Variants in LRRK2 observed in about 807,000 individuals in gnomAD.
LRRK2 encodes the protein leucine rich repeat kinase 2.
Under a neutral mutation model 302.6 loss-of-function variants are expected in LRRK2, and 203 were observed. That is an observed-to-expected ratio of 0.67 (90% CI 0.60 to 0.75). The LOEUF is 0.75. Ranked by LOEUF, LRRK2 falls within the 30% of genes least tolerant of loss-of-function variation. The probability of loss-of-function intolerance (pLI) is 0.00; values close to 1 mark genes in which losing one functional copy is unlikely to be tolerated. For missense variants in LRRK2, 2,830 were observed against 2,951.0 expected (o/e 0.96, Z 0.95); for synonymous variants, 1,066 against 1,031.9 (o/e 1.03, Z -0.63).
At chr12:40,258,910 T>G (rs1442273058) in intron 12 of LRRK2, among the ~76,000 whole-genome samples, 1 of 152,174 alleles carries the variant, frequency 6.6e-6, no homozygotes, top group Non-Finnish European at 1.5e-5. Flanking sequence ...TAGTACCTAC[T>G]GCATTCTAGT....
In LRRK2 at chr12:40,295,444, T is replaced by G; in HGVS notation, c.2896T>G (p.Ser966Ala). The G allele has an allele frequency of 6.2e-7, 1 of 1,613,058 alleles. No individual in the cohort carries two copies. The highest frequency in any genetic ancestry group is 8.5e-7 in the Non-Finnish European group (1 of 1,179,912). The stretch of plus-strand genomic sequence containing the variant: ...GACAAAAGGGTCATCAAAACTTCAA[T>G]CCCATATGAGGCATTCAGACAGCAT... Reference protein sequence around the residue: ...DDSLRSSKLQSHMRHSDSISS... With the variant: ...DDSLRSSKLQAHMRHSDSISS... Residue 966 changes from serine to alanine, a missense_variant, in exon 23 of 51, where the codon TCC (serine) becomes GCC (alanine). Coordinates refer to ENST00000298910, the MANE Select transcript of LRRK2 (RefSeq NM_198578.4).
At chr12:40,226,983 A>C (rs946199296) in intron 2 of LRRK2, among the ~76,000 whole-genome samples, 1 of 152,100 alleles carries the variant, frequency 6.6e-6, no homozygotes, top group Non-Finnish European at 1.5e-5. Context: ...TGCAGGGTCT[A>C]GATAAGGCAG....
intron 3 of LRRK2, among the ~76,000 whole-genome samples, chr12:40,233,840 C>T (rs1000472294): frequency 2.0e-5 from 3 of 152,182 alleles, no homozygotes; most frequent in African/African-American, 4.8e-5. Context: ...CTTACTCATT[C>T]ACTCACTTTG....
chr12:40,229,955 C>CTTTTTTTTTTTTTTTTTTTTTTTTTTT lies in LRRK2; in HGVS notation c.238-2317_238-2291dup, dbSNP rs71078229. ...GAGATGAGTTTGGCATCCTATGTGACTTTTTTTTTTTTTTTTTTTTTTTTT... is the reference window on the plus strand; with the variant it reads ...GAGATGAGTTTGGCATCCTATGTGACTTTTTTTTTTTTTTTTTTTTTTTTTTTTTTTTTTTTTTTTTTTTTTTTTTTT... On this transcript the variant is annotated intron_variant, in intron 2 of 50. Transcript: ENST00000298910. 4.3e-5 allele frequency among the ~76,000 whole-genome samples: 4 copies of CTTTTTTTTTTTTTTTTTTTTTTTTTTT among 92,926 alleles called. 2 individuals are homozygous for CTTTTTTTTTTTTTTTTTTTTTTTTTTT. The allele number at this position is 92,926 out of a possible 152,430, so 61.0% of individuals were successfully genotyped here. A position where few individuals can be genotyped will look rare whatever the true frequency, so the allele number is the denominator to read the frequency against.
chr12:40,253,888 G>A lies in LRRK2; in HGVS notation c.1288+872G>A, dbSNP rs377369199. Reference sequence around the variant, plus strand: ...GAAAATTTCATAGAAATGCAACTGGGTAGAGAGCTATTCACCATTTTAAAA... The same window carrying A: ...GAAAATTTCATAGAAATGCAACTGGATAGAGAGCTATTCACCATTTTAAAA... On this transcript the variant is annotated intron_variant, in intron 11 of 50. Coordinates refer to ENST00000298910, the MANE Select transcript of LRRK2 (RefSeq NM_198578.4). Among the ~76,000 whole-genome samples the A allele has an allele frequency of 9.9e-5, 15 of 152,228 alleles. No individual in the cohort carries two copies. In the South Asian group the frequency reaches 3.1e-3, roughly 32 times the overall value.
intron 18 of LRRK2, among the ~76,000 whole-genome samples, chr12:40,283,571 T>C (rs1016103373): frequency 2.6e-5 from 4 of 152,186 alleles, no homozygotes; most frequent in Admixed American, 2.0e-4. Context: ...TGTGCATATT[T>C]GGTGGAGTCT....
At chr12:40,326,853 C>G (rs1945567607) in intron 38 of LRRK2, among the ~76,000 whole-genome samples, 1 of 152,072 alleles carries the variant, frequency 6.6e-6, no homozygotes, top group Non-Finnish European at 1.5e-5. Flanking sequence ...TGATAAGATG[C>G]AAATAATACT....
In LRRK2 at chr12:40,367,663, C is replaced by T. The variant is rs140665554; in HGVS notation, c.7482C>T (p.Thr2494=). Residue 2494 remains threonine (T), a synonymous_variant, in exon 51 of 51, where the codon ACC becomes ACT. Transcript: ENST00000298910. ...TTCTAGAGATACAATCTTGCTTGAC[C>T]GTTTGGGACATCAATCTTCCACATG... ...QKQKEIQSCL[T]VWDINLPHEV... 3.5e-5 allele frequency: 56 copies of T among 1,601,310 alleles called. No homozygotes were observed. Among genetic ancestry groups the T allele is most frequent in the Admixed American group, 5.1e-5 (3 of 58,888 alleles).
Position 40,238,835 on chromosome 12 carries a change from C to A in LRRK2, c.571+732C>A, listed in dbSNP as rs573869803. On this transcript the variant is annotated intron_variant, in intron 5 of 50. Coordinates refer to ENST00000298910, the MANE Select transcript of LRRK2 (RefSeq NM_198578.4). ...TTGCAGTTCCCAGAATGGGATAGAT[C>A]ACCTGATAACTGTTGAATTCCCTGT... Among the ~76,000 whole-genome samples, 3 of 152,286 alleles carry A rather than the reference C, an allele frequency of 2.0e-5. No individual in the cohort carries two copies. In the East Asian group the frequency reaches 5.8e-4, roughly 29 times the overall value.
chr12:40,309,155 A>G lies in LRRK2; in HGVS notation c.4239A>G (p.Ala1413=), dbSNP rs1243305899. The change falls in exon 30 of 51, where the codon GCA becomes GCG. Residue 1413 remains alanine, a synonymous_variant. Transcript: ENST00000298910. ...ATCCCCATTTTATGACGCAGCGAGC[A>G]TTGTACCTTGCTGTCTATGACCTCA... ...STHPHFMTQR[A]LYLAVYDLSK... The G allele has an allele frequency of 1.2e-6, 2 of 1,613,806 alleles. No individual in the cohort carries two copies. The highest frequency in any genetic ancestry group is 1.7e-6 in the Non-Finnish European group (2 of 1,179,912).
intron 7 of LRRK2, among the ~76,000 whole-genome samples, chr12:40,245,374 G>A (rs574197149): frequency 2.8e-4 from 42 of 152,108 alleles, no homozygotes; most frequent in African/African-American, 8.0e-4. Context: ...TGTCCTTGGC[G>A]TTCTGTTGCA....
intron 39 of LRRK2, among the ~76,000 whole-genome samples, chr12:40,329,857 A>T (rs1459123900): frequency 3.3e-5 from 5 of 152,144 alleles, no homozygotes; most frequent in Non-Finnish European, 2.9e-5. Flanking sequence ...GATTTATTTT[A>T]TGTAGCTTTT....
intron 16 of LRRK2, among the ~76,000 whole-genome samples, chr12:40,277,641 T>C (rs944439024): frequency 1.3e-5 from 2 of 152,336 alleles, no homozygotes; most frequent in Admixed American, 6.5e-5. Flanking sequence ...TAGTTCTTTT[T>C]CCTGCTTTGC....
chr12:40,258,037 A>G (rs543976641), intron 12 of LRRK2, among the ~76,000 whole-genome samples: 4 of 152,150 alleles, frequency 2.6e-5, no homozygotes, highest in African/African-American at 9.6e-5. Context: ...TGGTTTTGCC[A>G]CTAATTTGAG....
chr12:40,251,471 G>A lies in LRRK2; in HGVS notation c.1108G>A (p.Ala370Thr), dbSNP rs200189771. 1.2e-5 allele frequency: 19 copies of A among 1,610,902 alleles called. No homozygotes were observed. The highest frequency in any genetic ancestry group is 3.3e-5 in the South Asian group (3 of 90,720). Residue 370 changes from alanine to threonine, a missense_variant, in exon 10 of 51, where the codon GCA (alanine) becomes ACA (threonine). By Grantham distance (58) the Ala-to-Thr change is moderately conservative. Around this residue, in one of 3 missense-constraint regions of LRRK2, gnomAD observed 2,121 missense variants for 2,148.0 expected, o/e 0.99. Coordinates refer to ENST00000298910, the MANE Select transcript of LRRK2 (RefSeq NM_198578.4). ...HRKNKHVQEA[A>T]CWALNNLLMY... ...TTTTTCTCCCCTAATCCAGGAGGCC[G>A]CATGCTGGGCACTAAATAATCTCCT...
chr12:40,231,146 T>C (rs1233331530), intron 2 of LRRK2, among the ~76,000 whole-genome samples: 1 of 152,148 alleles, frequency 6.6e-6, no homozygotes, highest in Non-Finnish European at 1.5e-5. Flanking sequence ...AACTTACATT[T>C]TGCTACTAAA....
intron 5 of LRRK2, among the ~76,000 whole-genome samples, chr12:40,238,948 A>G (rs116369235): frequency 1.8e-3 from 276 of 152,322 alleles, no homozygotes; most frequent in African/African-American, 6.4e-3. Flanking sequence ...TGAAGGGACA[A>G]TAATATAAAG....
chr12:40,237,790 A>G (rs552095022), intron 4 of LRRK2, among the ~76,000 whole-genome samples, 179 bp from the exon 5 acceptor site: 91 of 151,942 alleles, frequency 6.0e-4, no homozygotes, highest in Admixed American at 6.6e-4. Flanking sequence ...AGAGCTTGAT[A>G]AGTCTAACAT....
At chr12:40,277,799 G>T in intron 16 of LRRK2, 89 bp from the exon 17 acceptor site, 1 of 1,231,606 alleles carries the variant, frequency 8.1e-7, no homozygotes, top group Non-Finnish European at 1.1e-6. Flanking sequence ...CCTAGGTATT[G>T]TTTCATATAC....
Sources: allele counts gnomAD v4.1 joint callset (sites outside exome capture counted in the v4.1 genomes callset), GRCh38; gene constraint gnomAD v4.1.1; regional missense constraint gnomAD v4.1.1; transcripts MANE v1.5; gene names NCBI Gene and HGNC (gene_info 2026-07-23, HGNC 2026-07-21).